The following PXDNL variants were observed in gnomAD, a reference collection of about 807,000 sequenced individuals.
The protein encoded by PXDNL is peroxidasin like.
PXDNL carries 145 observed loss-of-function variants against 150.8 expected under a neutral mutation model. The observed-to-expected ratio is 0.96, with a 90% confidence interval of 0.84 to 1.10. The LOEUF (loss-of-function observed/expected upper bound fraction) is 1.10, where lower values mean the gene tolerates loss of function less well. Among genes scored for constraint, PXDNL ranks in the 50% least tolerant of loss-of-function variants. The pLI is 0.00. For missense variants in PXDNL, 2,087 were observed against 1,873.9 expected (o/e 1.11, Z -2.10); for synonymous variants, 757 against 725.7 (o/e 1.04, Z -0.69).
chr8:51,552,690 G>T (rs550118571), intron 4 of PXDNL, among the ~76,000 whole-genome samples: 1 of 152,114 alleles, frequency 6.6e-6, no homozygotes, highest in Non-Finnish European at 1.5e-5. Flanking sequence ...GGATGGAAGC[G>T]GGGGTGAGGG....
chr8:51,705,262 C>T (rs1423024407), intron 1 of PXDNL, among the ~76,000 whole-genome samples: 2 of 152,160 alleles, frequency 1.3e-5, no homozygotes, highest in Non-Finnish European at 2.9e-5. Context: ...TGTCCGGGCT[C>T]TCTCTTCACC....
chr8:51,342,879 CAAA>C (rs35948794), intron 20 of PXDNL, among the ~76,000 whole-genome samples: 3,822 of 90,192 alleles, frequency 0.042, 149 homozygotes, highest in African/African-American at 0.13. Flanking sequence ...GATTAAGATT[CAAA>C]AAAAAAAAAA....
Position 51,642,729 on chromosome 8 carries a change from T to C in PXDNL, c.236+11960A>G, listed in dbSNP as rs567506216. 4.6e-5 allele frequency among the ~76,000 whole-genome samples: 7 copies of C among 152,288 alleles called. No individual in the cohort carries two copies. In the South Asian group the frequency reaches 1.4e-3, roughly 32 times the overall value. The stretch of plus-strand genomic sequence containing the variant: ...GGAGAAGGAAATAAAGGGTATTCAA[T>C]TAGGAAAAGAGGGAGTCACATTTTC... On this transcript the variant is annotated intron_variant, in intron 2 of 22. Transcript: ENST00000356297.
intron 1 of PXDNL, among the ~76,000 whole-genome samples, chr8:51,723,767 G>C (rs1229979293): frequency 6.6e-6 from 1 of 152,150 alleles, no homozygotes; most frequent in Non-Finnish European, 1.5e-5. Flanking sequence ...GCAGTCGACA[G>C]CCACTGAAAA....
At chr8:51,377,629 C>T (rs1420049367) in intron 17 of PXDNL, among the ~76,000 whole-genome samples, 1 of 152,246 alleles carries the variant, frequency 6.6e-6, no homozygotes, top group East Asian at 1.9e-4. Context: ...CCGGCACCAC[C>T]CGTCCCAGGC....
At chr8:51,733,676 C>T (rs1489869308) in intron 1 of PXDNL, among the ~76,000 whole-genome samples, 19 of 151,598 alleles carry the variant, frequency 1.3e-4, no homozygotes, top group South Asian at 1.0e-3. Flanking sequence ...GGCATAGTGG[C>T]GGGCACCTGT....
At chr8:51,573,931 A>G (rs531277277) in intron 3 of PXDNL, among the ~76,000 whole-genome samples, 1 of 152,026 alleles carries the variant, frequency 6.6e-6, no homozygotes, top group Admixed American at 6.6e-5. Flanking sequence ...ACAGACACAG[A>G]GTAAAGACTA....
At chr8:51,608,306 G>A (rs1476613026) in intron 2 of PXDNL, among the ~76,000 whole-genome samples, 1 of 145,242 alleles carries the variant, frequency 6.9e-6, no homozygotes, top group African/African-American at 2.7e-5. Flanking sequence ...GGAGAATGGC[G>A]TGAACCCGGG....
At chr8:51,719,924 A>G (rs1266552405) in intron 1 of PXDNL, among the ~76,000 whole-genome samples, 1 of 152,106 alleles carries the variant, frequency 6.6e-6, no homozygotes, top group African/African-American at 2.4e-5. Flanking sequence ...TAGAAGCCAC[A>G]TGTAGAAAGC....
chr8:51,656,324 T>G (rs1328706578), intron 1 of PXDNL, among the ~76,000 whole-genome samples: 3 of 152,096 alleles, frequency 2.0e-5, no homozygotes. Context: ...TCAATTAAAA[T>G]TATTAAATAA....
chr8:51,341,588 T>G (rs2130685838), intron 20 of PXDNL, among the ~76,000 whole-genome samples: 1 of 152,302 alleles, frequency 6.6e-6, no homozygotes, highest in East Asian at 1.9e-4. Context: ...TAAGTAAAAC[T>G]CTTTACTCAT....
chr8:51,614,379 G>A (rs1814088645), intron 2 of PXDNL, among the ~76,000 whole-genome samples: 1 of 152,214 alleles, frequency 6.6e-6, no homozygotes, highest in Admixed American at 6.5e-5. Flanking sequence ...CTGAGTCTCA[G>A]CCAATTGCAG....
chr8:51,630,335 T>G (rs1384073849), intron 2 of PXDNL, among the ~76,000 whole-genome samples: 1 of 152,012 alleles, frequency 6.6e-6, no homozygotes, highest in Non-Finnish European at 1.5e-5. Flanking sequence ...AAAAACCTTG[T>G]AAGATAACCT....
intron 4 of PXDNL, among the ~76,000 whole-genome samples, chr8:51,538,537 G>C (rs1426026381): frequency 6.6e-6 from 1 of 152,048 alleles, no homozygotes; most frequent in Non-Finnish European, 1.5e-5. Flanking sequence ...AGGCTGAGGC[G>C]GGTGGATCAC....
chr8:51,651,495 AC>A (rs1185055531), intron 2 of PXDNL, among the ~76,000 whole-genome samples: 1 of 151,656 alleles, frequency 6.6e-6, no homozygotes, highest in Non-Finnish European at 1.5e-5. Context: ...GACCAGAAAT[AC>A]CCCCCAACCC....
At chr8:51,569,713 T>G (rs532769140) in intron 3 of PXDNL, among the ~76,000 whole-genome samples, 1 of 151,864 alleles carries the variant, frequency 6.6e-6, no homozygotes, top group African/African-American at 2.4e-5. Context: ...ATTTTAAACA[T>G]TTTGAAAGGA....
chr8:51,775,184 T>G (rs1394136314), intron 1 of PXDNL, among the ~76,000 whole-genome samples: 4 of 152,188 alleles, frequency 2.6e-5, no homozygotes, highest in African/African-American at 7.2e-5. Context: ...TATTACAAAT[T>G]TATAGGCTGA....
intron 2 of PXDNL, among the ~76,000 whole-genome samples, chr8:51,612,314 G>A (rs1045045556): frequency 4.6e-5 from 7 of 152,146 alleles, no homozygotes; most frequent in Non-Finnish European, 1.5e-5. Context: ...GATATAGGAG[G>A]AGAAAGGCGA....
chr8:51,757,892 A>C (rs1434453971), intron 1 of PXDNL, among the ~76,000 whole-genome samples: 2 of 151,946 alleles, frequency 1.3e-5, no homozygotes, highest in African/African-American at 4.8e-5. Flanking sequence ...ACATGAACTT[A>C]TTCTAAGTGA....
Sources: allele counts gnomAD v4.1 joint callset (sites outside exome capture counted in the v4.1 genomes callset), GRCh38; gene constraint gnomAD v4.1.1; transcripts MANE v1.5; gene names NCBI Gene and HGNC (gene_info 2026-07-23, HGNC 2026-07-21).